PRKN: variants seen among roughly 807,000 people sequenced by gnomAD.
PRKN encodes the protein parkin RBR E3 ubiquitin protein ligase.
PRKN carries 56 observed loss-of-function variants against 59.5 expected under a neutral mutation model. The ratio of observed to expected loss-of-function variants is 0.94; its 90% CI spans 0.76 to 1.18. PRKN has a LOEUF of 1.18. Ranked by LOEUF, PRKN falls within the 50% of genes most tolerant of loss-of-function variation. The pLI is 0.00. For synonymous variants in PRKN, 250 were observed against 222.1 expected, an observed-to-expected ratio of 1.13 and a Z score of -1.12; for missense variants, 657 against 596.4, an observed-to-expected ratio of 1.10 and a Z score of -1.06.
intron 1 of PRKN, among the ~76,000 whole-genome samples, chr6:162,496,702 A>G (rs1439369482): frequency 6.6e-6 from 1 of 152,228 alleles, no homozygotes; most frequent in Non-Finnish European, 1.5e-5. Flanking sequence ...CCTTCTAAAA[A>G]TGGAAGCAAT....
intron 1 of PRKN, among the ~76,000 whole-genome samples, chr6:162,615,579 T>C (rs953619596): frequency 5.3e-5 from 8 of 152,178 alleles, no homozygotes; most frequent in African/African-American, 1.9e-4. Flanking sequence ...AAAAGTCTCC[T>C]AGCAACTCTT....
intron 5 of PRKN, among the ~76,000 whole-genome samples, chr6:162,022,866 A>C (rs1452473996): frequency 3.3e-5 from 5 of 152,124 alleles, no homozygotes; most frequent in African/African-American, 1.2e-4. Flanking sequence ...AGTTTCACTT[A>C]TCTGCATATG....
At chr6:162,176,413 CATAAGTAAATCTAGGACT>C (rs1783538263) in intron 4 of PRKN, among the ~76,000 whole-genome samples, 1 of 152,052 alleles carries the variant, frequency 6.6e-6, no homozygotes, top group Admixed American at 6.6e-5. Context: ...ATAGAGGACC[CATAAGTAAATCTAGGACT>C]ATATGGTACT....
At chr6:162,172,579 T>C (rs573696447) in intron 4 of PRKN, among the ~76,000 whole-genome samples, 5 of 152,314 alleles carry the variant, frequency 3.3e-5, no homozygotes, top group Middle Eastern at 3.4e-3. Context: ...AAAATGGGGA[T>C]TATAAGGTAC....
intron 9 of PRKN, among the ~76,000 whole-genome samples, chr6:161,418,847 T>G (rs766941526): frequency 1.3e-5 from 2 of 152,224 alleles, no homozygotes; most frequent in Non-Finnish European, 2.9e-5. Flanking sequence ...TCTAACTGCC[T>G]GACCCTATAA....
intron 7 of PRKN, among the ~76,000 whole-genome samples, chr6:161,782,390 C>A (rs1205992340): frequency 6.6e-6 from 1 of 151,884 alleles, no homozygotes; most frequent in Non-Finnish European, 1.5e-5. Context: ...AGTATGTTTA[C>A]CTATTTTTAA....
chr6:162,646,247 G>T (rs1301850734), intron 1 of PRKN, among the ~76,000 whole-genome samples: 1 of 145,048 alleles, frequency 6.9e-6, no homozygotes, highest in Non-Finnish European at 1.5e-5. Flanking sequence ...ATAAATAAAA[G>T]GTTTTTAAAA....
At chr6:161,509,740 T>C (rs1298706155) in intron 9 of PRKN, among the ~76,000 whole-genome samples, 2 of 151,378 alleles carry the variant, frequency 1.3e-5, no homozygotes, top group African/African-American at 2.4e-5. Flanking sequence ...ATTAGCTGTG[T>C]GTGGTGGTGC....
chr6:162,177,954 G>C (rs1783618785), intron 4 of PRKN, among the ~76,000 whole-genome samples: 1 of 152,156 alleles, frequency 6.6e-6, no homozygotes, highest in African/African-American at 2.4e-5. Context: ...TCTTGAAGGA[G>C]AACACTAGGT....
At chr6:161,760,462 G>T (rs1280502235) in intron 7 of PRKN, among the ~76,000 whole-genome samples, 1 of 151,678 alleles carries the variant, frequency 6.6e-6, no homozygotes, top group Non-Finnish European at 1.5e-5. Flanking sequence ...GTGGGAGGGG[G>T]TCCCTGGAGA....
intron 6 of PRKN, among the ~76,000 whole-genome samples, chr6:161,857,815 G>A (rs748771433): frequency 7.2e-5 from 11 of 152,168 alleles, no homozygotes; most frequent in African/African-American, 1.9e-4. Context: ...CAGTGAGCTC[G>A]AGTTTACTGC....
chr6:162,273,087 A>G (rs77747588), intron 2 of PRKN, among the ~76,000 whole-genome samples: 2,474 of 152,154 alleles, frequency 0.016, 36 homozygotes, highest in Non-Finnish European at 0.025. Flanking sequence ...TGTGAAGAAA[A>G]AAGAAAACAA....
At chr6:161,570,134 A>ATATATATAT (rs1332340408) in intron 7 of PRKN, among the ~76,000 whole-genome samples, 2 of 132,688 alleles carry the variant, frequency 1.5e-5, no homozygotes, top group African/African-American at 6.3e-5. Flanking sequence ...TAAAAAAAAA[A>ATATATATAT]AAAAAAAAAA....
intron 1 of PRKN, among the ~76,000 whole-genome samples, chr6:162,459,924 A>G (rs545831902): frequency 1.3e-5 from 2 of 152,224 alleles, no homozygotes; most frequent in Non-Finnish European, 1.5e-5. Flanking sequence ...TGGGAATGTA[A>G]AATGCTACCG....
In PRKN at chr6:161,466,550, T is replaced by C. The variant is rs1283812805; in HGVS notation, c.1084-79673A>G. 6.6e-6 allele frequency among the ~76,000 whole-genome samples: 1 copy of C among 152,238 alleles called. No homozygotes were observed. Among genetic ancestry groups the C allele is most frequent in the East Asian group, 1.9e-4 (1 of 5,190 alleles). ...CTGCTTGCTCAACTAACTCAGACAC[T>C]GTGGATGTTAGGATGAAGGTACAGT... On this transcript the variant is annotated intron_variant, in intron 9 of 11. Transcript: ENST00000366898. The surrounding 1 kb of genome is among the most constrained non-coding windows in gnomAD (Gnocchi z 5.0).
At chr6:162,337,462 G>A (rs1783893778) in intron 2 of PRKN, among the ~76,000 whole-genome samples, 1 of 152,196 alleles carries the variant, frequency 6.6e-6, no homozygotes, top group Non-Finnish European at 1.5e-5. Flanking sequence ...TTATAAAAAT[G>A]TGTGATGAAT....
At chr6:161,970,902 G>A (rs1157491143) in intron 6 of PRKN, among the ~76,000 whole-genome samples, 2 of 152,106 alleles carry the variant, frequency 1.3e-5, no homozygotes, top group Non-Finnish European at 2.9e-5. Context: ...GCATTATCAG[G>A]AAAAACCCCA....
At chr6:162,239,934 TTC>T (rs1207402535) in intron 3 of PRKN, among the ~76,000 whole-genome samples, 9 of 152,188 alleles carry the variant, frequency 5.9e-5, no homozygotes, top group Non-Finnish European at 1.3e-4. Context: ...TCAGTCTGTG[TTC>T]ACAAGTTATC....
chr6:162,254,296 A>G (rs1261340727), intron 3 of PRKN, among the ~76,000 whole-genome samples: 1 of 151,904 alleles, frequency 6.6e-6, no homozygotes, highest in Non-Finnish European at 1.5e-5. Context: ...GTCTCTATTA[A>G]AAATACAAAA....
Sources: allele counts gnomAD v4.1 joint callset (sites outside exome capture counted in the v4.1 genomes callset), GRCh38; gene constraint gnomAD v4.1.1; non-coding constraint Gnocchi (gnomAD v3.1); transcripts MANE v1.5; gene names NCBI Gene and HGNC (gene_info 2026-07-23, HGNC 2026-07-21).